Variants in JAM2 observed in about 807,000 individuals in gnomAD.
The protein encoded by JAM2 is junctional adhesion molecule B.
Under a neutral mutation model 42.0 loss-of-function variants are expected in JAM2, and 17 were observed. The ratio of observed to expected loss-of-function variants is 0.40; its 90% CI spans 0.28 to 0.61. JAM2 has a LOEUF of 0.61. Ranked by LOEUF, JAM2 falls within the 20% of genes least tolerant of loss-of-function variation. JAM2 has a pLI of 0.37. For synonymous variants in JAM2, 118 were observed against 128.6 expected (o/e 0.92, Z 0.56); for missense variants, 319 against 358.3 (o/e 0.89, Z 0.89).
At chr21:25,690,025 C>A in intron 3 of JAM2, 52 bp downstream of exon 3, 1 of 1,099,940 alleles carries the variant, frequency 9.1e-7, no homozygotes, top group Non-Finnish European at 1.4e-6. Flanking sequence ...CCAAGTACAA[C>A]CAGGATCCTT....
intron 1 of JAM2, among the ~76,000 whole-genome samples, chr21:25,654,840 T>G (rs1600996798): frequency 6.6e-6 from 1 of 151,684 alleles, no homozygotes; most frequent in East Asian, 1.9e-4. Flanking sequence ...AGAAAGTGGG[T>G]TTTTCTGCAG....
intron 4 of JAM2, among the ~76,000 whole-genome samples, chr21:25,694,683 A>T (rs1277716327): frequency 1.1e-4 from 17 of 151,740 alleles, no homozygotes; most frequent in Admixed American, 6.6e-5. Context: ...CTAAAAAAAA[A>T]TAAATAAAAA....
chr21:25,648,057 A>C (rs572314407), intron 1 of JAM2, among the ~76,000 whole-genome samples: 8 of 152,326 alleles, frequency 5.3e-5, no homozygotes, highest in Admixed American at 1.3e-4. Flanking sequence ...CTAAAAGTAC[A>C]AAAAGTAGCT....
intron 6 of JAM2, 72 bp from the exon 7 acceptor site, chr21:25,705,902 TGAACC>T: frequency 2.9e-6 from 3 of 1,019,064 alleles, no homozygotes; most frequent in Admixed American, 1.7e-5. Context: ...GATCTTTTTT[TGAACC>T]TTTTCAATTT....
At chr21:25,667,814 C>T (rs1394590716) in intron 1 of JAM2, among the ~76,000 whole-genome samples, 10 of 152,050 alleles carry the variant, frequency 6.6e-5, no homozygotes, top group Non-Finnish European at 1.5e-4. Flanking sequence ...AAATAAAGGG[C>T]CCCACCTTCA....
At chr21:25,704,148 A>G (rs1568918153) in intron 6 of JAM2, among the ~76,000 whole-genome samples, 1 of 152,088 alleles carries the variant, frequency 6.6e-6, no homozygotes, top group South Asian at 2.1e-4. Context: ...AATAGAAGGT[A>G]CACTTTGGTT....
chr21:25,696,584 C>T (rs1292205813), intron 4 of JAM2, among the ~76,000 whole-genome samples: 2 of 152,142 alleles, frequency 1.3e-5, no homozygotes, highest in African/African-American at 2.4e-5. Context: ...TTCTGTAGAG[C>T]GGAAGTCCAA....
At chr21:25,658,853 G>A (rs541461303) in intron 1 of JAM2, among the ~76,000 whole-genome samples, 1 of 152,258 alleles carries the variant, frequency 6.6e-6, no homozygotes, top group East Asian at 1.9e-4. Context: ...TGAGAAACAC[G>A]GGAGCTTAGA....
chr21:25,693,260 ATT>A (rs201686444), intron 3 of JAM2, among the ~76,000 whole-genome samples: 60 of 145,616 alleles, frequency 4.1e-4, no homozygotes, highest in Non-Finnish European at 7.0e-4. Flanking sequence ...GCTTTTTTGA[ATT>A]TTTTTTTTTT....
chr21:25,686,076 C>A (rs892787100), intron 2 of JAM2, among the ~76,000 whole-genome samples: 3 of 152,174 alleles, frequency 2.0e-5, no homozygotes, highest in Non-Finnish European at 2.9e-5. Flanking sequence ...TTGACACATT[C>A]ACAGTTTTGT....
chr21:25,686,237 A>G (rs1026006188), intron 2 of JAM2, among the ~76,000 whole-genome samples: 21 of 152,186 alleles, frequency 1.4e-4, no homozygotes, highest in African/African-American at 4.6e-4. Flanking sequence ...TCTCACTCCA[A>G]AATAAGTGTT....
chr21:25,647,522 G>A (rs1290187296), intron 1 of JAM2, among the ~76,000 whole-genome samples: 1 of 152,184 alleles, frequency 6.6e-6, no homozygotes, highest in East Asian at 1.9e-4. Context: ...CTAAAGCTCA[G>A]TCTACAAGCA....
In JAM2 at chr21:25,689,986, A is replaced by T. The variant is rs1240861990; in HGVS notation, c.241+13A>T. The T allele has an allele frequency of 6.7e-7, 1 of 1,495,660 alleles. No homozygotes were observed. The highest frequency in any genetic ancestry group is 1.4e-5 in the African/African-American group (1 of 72,478). 92.6% of individuals were successfully genotyped at this position (1,495,660 alleles called of 1,614,324 possible). A position where few individuals can be genotyped will look rare whatever the true frequency, so the allele number is the denominator to read the frequency against. On this transcript the variant is annotated intron_variant, in intron 3 of 9. Coordinates refer to ENST00000480456, the MANE Select transcript of JAM2 (RefSeq NM_021219.4). ...CAGACTCTTCAAGGTAAGCAGCTGT[A>T]GGCTTGAAGAGGTGTGAGCAAGAGA...
At chr21:25,651,881 A>G (rs2032792284) in intron 1 of JAM2, among the ~76,000 whole-genome samples, 1 of 152,250 alleles carries the variant, frequency 6.6e-6, no homozygotes, top group South Asian at 2.1e-4. Context: ...CTAGTGCAAC[A>G]TGCTACATTT....
intron 1 of JAM2, among the ~76,000 whole-genome samples, chr21:25,674,653 G>C (rs1331439184): frequency 6.6e-6 from 1 of 151,926 alleles, no homozygotes; most frequent in African/African-American, 2.4e-5. Flanking sequence ...TTGCATTTTG[G>C]TGTGGCTTCC....
rs2034495361 is a variant in JAM2, at chr21:25,717,198, A to C, written c.*2526A>C. 6.5e-6 allele frequency: 1 copy of C among 153,200 alleles called. No individual in the cohort carries two copies. The allele number at this position is 153,200 out of a possible 1,614,324, so 9.5% of individuals were successfully genotyped here. ...ACAAAGGGCAGAGTATTGAGCACTA[A>C]TTTCCTATTAAAAGTATATATATGT... On this transcript the variant is annotated 3_prime_UTR_variant, in exon 10 of 10. Transcript: ENST00000480456.
intron 2 of JAM2, among the ~76,000 whole-genome samples, chr21:25,689,089 G>C (rs1404671257): frequency 1.3e-5 from 2 of 151,592 alleles, no homozygotes; most frequent in Non-Finnish European, 2.9e-5. Context: ...GAGGCTCCAA[G>C]TATTAATGAC....
At chr21:25,709,324 G>A in intron 7 of JAM2, 110 bp from the exon 8 acceptor site, 2 of 610,156 alleles carry the variant, frequency 3.3e-6, no homozygotes, top group Non-Finnish European at 5.5e-6. Flanking sequence ...ACGTCAGCAA[G>A]TGAAGATTAA....
At chr21:25,688,928 C>T (rs1265866762) in intron 2 of JAM2, among the ~76,000 whole-genome samples, 2 of 151,846 alleles carry the variant, frequency 1.3e-5, no homozygotes, top group African/African-American at 4.8e-5. Context: ...TTCTAGAGAG[C>T]CTGGTTAAAA....
Sources: gnomAD v4.1 joint callset for allele counts (sites outside exome capture counted in the v4.1 genomes callset) on GRCh38, gnomAD v4.1.1 for gene constraint, MANE v1.5 for transcripts, NCBI Gene and HGNC (gene_info 2026-07-23, HGNC 2026-07-21) for gene names.